Variants in HACD3 observed in about 807,000 individuals in gnomAD.
HACD3 encodes very-long-chain (3R)-3-hydroxyacyl-CoA dehydratase 3.
HACD3 carries 30 observed loss-of-function variants against 55.2 expected under a neutral mutation model. The observed-to-expected ratio is 0.54, with a 90% CI of 0.41 to 0.74. The LOEUF (loss-of-function observed/expected upper bound fraction) is 0.74, where lower values mean the gene tolerates loss of function less well. HACD3 is among the 30% of genes least tolerant of loss of function. The probability of loss-of-function intolerance (pLI) is 0.00; values close to 1 mark genes in which losing one functional copy is unlikely to be tolerated. For missense variants in HACD3, 363 were observed against 440.1 expected, an observed-to-expected ratio of 0.82 and a Z score of 1.57; for synonymous variants, 141 against 151.7, an observed-to-expected ratio of 0.93 and a Z score of 0.52.
intron 1 of HACD3, among the ~76,000 whole-genome samples, chr15:65,540,994 A>G (rs148355109): frequency 6.6e-6 from 1 of 152,172 alleles, no homozygotes; most frequent in Admixed American, 6.5e-5. Flanking sequence ...AGGGAAAAGA[A>G]TTAATGACTA....
At chr15:65,537,745 A>G (rs548212432) in intron 1 of HACD3, among the ~76,000 whole-genome samples, 111 of 132,672 alleles carry the variant, frequency 8.4e-4, no homozygotes, top group African/African-American at 2.9e-3. Context: ...GTGAGCTGAG[A>G]TCGCACCACT....
intron 10 of HACD3, among the ~76,000 whole-genome samples, chr15:65,573,890 G>A (rs982667940): frequency 2.0e-5 from 3 of 152,100 alleles, no homozygotes. Context: ...ATCATACATA[G>A]AACTTTACAT....
chr15:65,546,515 A>C (rs2072078624), intron 1 of HACD3, among the ~76,000 whole-genome samples: 1 of 152,164 alleles, frequency 6.6e-6, no homozygotes, highest in South Asian at 2.1e-4. Context: ...AATGGAGGCT[A>C]CCCCCACCCT....
chr15:65,568,414 A>G (rs1477761112), intron 7 of HACD3, among the ~76,000 whole-genome samples: 3 of 151,452 alleles, frequency 2.0e-5, no homozygotes, highest in African/African-American at 2.4e-5. Flanking sequence ...GCTGGAGTGC[A>G]GTGGTGTGAC....
At chr15:65,558,086 C>A (rs1448695822) in intron 4 of HACD3, among the ~76,000 whole-genome samples, 1 of 152,088 alleles carries the variant, frequency 6.6e-6, no homozygotes, top group East Asian at 1.9e-4. Flanking sequence ...CATTGGAAAC[C>A]AAGATCTGGG....
chr15:65,532,285 G>C (rs1388897582), intron 1 of HACD3, among the ~76,000 whole-genome samples: 1 of 151,970 alleles, frequency 6.6e-6, no homozygotes. Flanking sequence ...TTGTAGATGG[G>C]GATCAAAGTC....
At chr15:65,565,258 G>C (rs1417396291) in intron 7 of HACD3, 1 of 153,230 alleles carries the variant, frequency 6.5e-6, no homozygotes, top group East Asian at 1.9e-4. Flanking sequence ...GGTGCAAGCT[G>C]TCAGTGGATC....
At position 65,539,792 on chromosome 15, in the gene HACD3, AC is replaced by A. The variant is rs1411377242; in HGVS notation, c.87+9076del. Among the ~76,000 whole-genome samples, 5 of 151,174 alleles carry A rather than the reference AC, an allele frequency of 3.3e-5. No homozygotes were observed. The East Asian group carries it at 7.8e-4, about 24-fold the overall frequency. ...CAACAGCTACAATGAATGAAACAGAACCATCTTTATAGAATTAAAGCTTAGA... is the reference window on the plus strand; with the variant it reads ...CAACAGCTACAATGAATGAAACAGAACATCTTTATAGAATTAAAGCTTAGA... On this transcript the variant is annotated intron_variant, in intron 1 of 10. Transcript: ENST00000261875.
At chr15:65,571,435 C>A (rs936150166) in intron 8 of HACD3, 113 bp from the exon 9 acceptor site, 1 of 753,088 alleles carries the variant, frequency 1.3e-6, no homozygotes, top group Non-Finnish European at 2.2e-6. Context: ...TAATTCTGTT[C>A]TGAAGAAGCC....
rs1409248658 is a variant in HACD3 at position 65,571,517 on chromosome 15, T to G, written c.774-31T>G. 1.9e-6 allele frequency: 3 copies of G among 1,549,690 alleles called. No homozygotes were observed. The Admixed American group carries it at 5.1e-5, about 26-fold the overall frequency. ...GGTTGCATTCGGAACCTGAAGTGGC[T>G]TTTCACATTGGAATCATTTATTTTC... On this transcript the variant is annotated intron_variant, in intron 8 of 10. Coordinates refer to ENST00000261875, the MANE Select transcript of HACD3 (RefSeq NM_016395.4).
chr15:65,545,691 T>G (rs2072069319), intron 1 of HACD3, among the ~76,000 whole-genome samples: 1 of 151,996 alleles, frequency 6.6e-6, no homozygotes, highest in African/African-American at 2.4e-5. Context: ...CCTGACCTTG[T>G]GATCCGCCCG....
At chr15:65,551,805 C>T in intron 2 of HACD3, 87 bp downstream of exon 2, 1 of 1,506,772 alleles carries the variant, frequency 6.6e-7, no homozygotes, top group South Asian at 1.2e-5. Flanking sequence ...ATGTATTTGT[C>T]TTACTTGTTT....
intron 1 of HACD3, among the ~76,000 whole-genome samples, chr15:65,537,956 AAAATATATATATATATATATATAT>A (rs1315382639): frequency 0.062 from 191 of 3,062 alleles, 2 homozygotes; most frequent in Admixed American, 0.069. Context: ...AAAAAAAAAA[AAAATATATATATATATATATATAT>A]ATATATATAT....
intron 2 of HACD3, among the ~76,000 whole-genome samples, chr15:65,552,616 G>A (rs1000724107): frequency 5.3e-5 from 8 of 151,834 alleles, no homozygotes; most frequent in South Asian, 2.1e-4. Context: ...GATTATAGGC[G>A]TGAGCCACCG....
chr15:65,544,216 T>C (rs189219261), intron 1 of HACD3, among the ~76,000 whole-genome samples: 1 of 151,980 alleles, frequency 6.6e-6, no homozygotes, highest in East Asian at 1.9e-4. Flanking sequence ...CGTGAGCCCA[T>C]AGTGAAAGTA....
chr15:65,554,617 TA>T (rs1290187499), intron 2 of HACD3, among the ~76,000 whole-genome samples: 2 of 151,560 alleles, frequency 1.3e-5, no homozygotes, highest in Non-Finnish European at 2.9e-5. Flanking sequence ...CTACTAAAAA[TA>T]AAAAAAATTA....
At chr15:65,565,819 A>G (rs548837040) in intron 7 of HACD3, 2 of 151,714 alleles carry the variant, frequency 1.3e-5, no homozygotes, top group South Asian at 4.1e-4. Context: ...CTCCTCAAAA[A>G]ATGGGTTTTT....
At position 65,564,127 on chromosome 15, in the gene HACD3, T is replaced by C. The variant is rs566351845; in HGVS notation, c.533-88T>C. On this transcript the variant is annotated intron_variant, in intron 6 of 10. Transcript: ENST00000261875. ...GTTTGTTATTCCTTTCTTACAGTTATTTTCACGAAAGGAGTAATCTAGTTT... is the reference window on the plus strand; with the variant it reads ...GTTTGTTATTCCTTTCTTACAGTTACTTTCACGAAAGGAGTAATCTAGTTT... The C allele has an allele frequency of 1.2e-5, 17 of 1,455,256 alleles. No individual in the cohort carries two copies. In the Admixed American group the frequency reaches 2.1e-4, roughly 18 times the overall value. 90.1% of individuals were successfully genotyped at this position (1,455,256 alleles called of 1,614,324 possible). A position where few individuals can be genotyped will look rare whatever the true frequency, so the allele number is the denominator to read the frequency against.
chr15:65,545,544 C>T (rs991358794), intron 1 of HACD3, among the ~76,000 whole-genome samples: 4 of 151,468 alleles, frequency 2.6e-5, no homozygotes, highest in African/African-American at 4.8e-5. Context: ...CCCGGGTTCA[C>T]GCCATTCTCC....
Sources: allele counts gnomAD v4.1 joint callset (sites outside exome capture counted in the v4.1 genomes callset), GRCh38; gene constraint gnomAD v4.1.1; transcripts MANE v1.5; gene names NCBI Gene and HGNC (gene_info 2026-07-23, HGNC 2026-07-21).